The following TRIM2 variants were observed in gnomAD, a reference collection of about 807,000 sequenced individuals.
The protein encoded by TRIM2 is tripartite motif containing 2.
In TRIM2, 20 loss-of-function variants were observed where a neutral mutation model predicts 75.2. The observed-to-expected ratio is 0.27, with a 90% confidence interval of 0.19 to 0.39. The LOEUF (loss-of-function observed/expected upper bound fraction) is 0.39, where lower values mean the gene tolerates loss of function less well. Among genes scored for constraint, TRIM2 ranks in the 10% least tolerant of loss-of-function variants. The pLI, the probability that TRIM2 is intolerant of heterozygous loss-of-function variation, is 1.00. For missense variants in TRIM2, 660 were observed against 990.8 expected (o/e 0.67, Z 4.48); for synonymous variants, 373 against 388.3 (o/e 0.96, Z 0.46).
intron 3 of TRIM2, among the ~76,000 whole-genome samples, chr4:153,283,859 A>ATTTTTTTTT (rs1328302373): frequency 1.3e-5 from 1 of 79,392 alleles, no homozygotes; most frequent in African/African-American, 5.8e-5. Flanking sequence ...GATGGCCTTG[A>ATTTTTTTTT]TCTTTTTTTT....
At chr4:153,175,903 G>A (rs926988682) in intron 1 of TRIM2, among the ~76,000 whole-genome samples, 1 of 152,014 alleles carries the variant, frequency 6.6e-6, no homozygotes, top group Non-Finnish European at 1.5e-5. Context: ...AGGGGCCGCC[G>A]AGTGCTCTGG....
chr4:153,338,772 G>T lies in TRIM2; in HGVS notation c.*3806G>T, dbSNP rs187025024. On this transcript the variant is annotated 3_prime_UTR_variant, in exon 12 of 12. Coordinates refer to ENST00000338700, the MANE Select transcript of TRIM2 (RefSeq NM_015271.5). ...TAGAATAGATTAATAAATTGGCTAT[G>T]TTGTTCCAATGAATGTACAGCACTT... 42 of 985,826 alleles carry T rather than the reference G, an allele frequency of 4.3e-5. No homozygotes were observed. Among genetic ancestry groups the T allele is most frequent in the Non-Finnish European group, 5.1e-5 (42 of 829,910 alleles). 61.1% of individuals were successfully genotyped at this position (985,826 alleles called of 1,614,324 possible).
At chr4:153,205,995 T>C (rs72963198) in intron 1 of TRIM2, among the ~76,000 whole-genome samples, 2 of 152,178 alleles carry the variant, frequency 1.3e-5, no homozygotes, top group African/African-American at 4.8e-5. Context: ...GCCAGTGAAC[T>C]TTTGACTCTC....
intron 1 of TRIM2, among the ~76,000 whole-genome samples, chr4:153,244,369 C>A: frequency 2.0e-5 from 1 of 49,082 alleles, no homozygotes; most frequent in African/African-American, 1.7e-4. Context: ...TCTTCTTCTT[C>A]TTCTTCTTCT....
At chr4:153,179,491 T>C (rs533398904) in intron 1 of TRIM2, among the ~76,000 whole-genome samples, 55 of 152,274 alleles carry the variant, frequency 3.6e-4, no homozygotes, top group Non-Finnish European at 6.0e-4. Flanking sequence ...GCCACCTACC[T>C]GCTTCACTCC....
chr4:153,335,118 A>C lies in TRIM2; in HGVS notation c.*152A>C. 1 of 1,300,452 alleles carries C rather than the reference A, an allele frequency of 7.7e-7. No individual in the cohort carries two copies. Among genetic ancestry groups the C allele is most frequent in the Non-Finnish European group, 9.8e-7 (1 of 1,019,842 alleles). The allele number at this position is 1,300,452 out of a possible 1,614,324, so 80.6% of individuals were successfully genotyped here. ...TATTTCTGAATGTAACAATTTCCTT[A>C]AAAATGACTTATCCAATTTCTGTAT... On this transcript the variant is annotated 3_prime_UTR_variant, in exon 12 of 12. Transcript: ENST00000338700.
intron 10 of TRIM2, among the ~76,000 whole-genome samples, chr4:153,326,641 C>G (rs1392799885): frequency 6.6e-6 from 1 of 152,192 alleles, no homozygotes; most frequent in Non-Finnish European, 1.5e-5. Flanking sequence ...TGAAGCAAAA[C>G]TACTTGAGTC....
intron 1 of TRIM2, among the ~76,000 whole-genome samples, chr4:153,172,273 C>T (rs890177822): frequency 2.6e-5 from 4 of 152,074 alleles, no homozygotes; most frequent in Non-Finnish European, 5.9e-5. Context: ...CTGCAAGCTC[C>T]ACCTCCTGGG....
chr4:153,260,661 C>A lies in TRIM2; in HGVS notation c.31-9674C>A, dbSNP rs554007611. On this transcript the variant is annotated intron_variant, in intron 1 of 11. Coordinates refer to ENST00000338700, the MANE Select transcript of TRIM2 (RefSeq NM_015271.5). ...GGGATGGCTTCTGAATGCCTTCCCCCCAAAACACACACACCCACCCACACA... is the reference window on the plus strand; with the variant it reads ...GGGATGGCTTCTGAATGCCTTCCCCACAAAACACACACACCCACCCACACA... Among the ~76,000 whole-genome samples the A allele has an allele frequency of 4.9e-5, 7 of 143,170 alleles. No homozygotes were observed. The South Asian group carries it at 1.7e-3, about 35-fold the overall frequency. 93.9% of individuals were successfully genotyped at this position (143,170 alleles called of 152,430 possible).
intron 1 of TRIM2, among the ~76,000 whole-genome samples, chr4:153,246,486 A>G (rs962146701): frequency 2.6e-5 from 4 of 152,218 alleles, no homozygotes; most frequent in Non-Finnish European, 5.9e-5. Flanking sequence ...ATTAACTTCT[A>G]TTTCAAGTAA....
chr4:153,280,707 C>T (rs966783444), intron 3 of TRIM2, among the ~76,000 whole-genome samples: 9 of 148,190 alleles, frequency 6.1e-5, no homozygotes, highest in Admixed American at 3.4e-4. Flanking sequence ...TTTTTTGAGA[C>T]GGAGTCTCGC....
chr4:153,265,309 GTTTT>G (rs997698973), intron 1 of TRIM2, among the ~76,000 whole-genome samples: 2 of 149,860 alleles, frequency 1.3e-5, no homozygotes, highest in East Asian at 2.0e-4. Context: ...CGACGGAAAA[GTTTT>G]TTTTTGTTTT....
intron 3 of TRIM2, among the ~76,000 whole-genome samples, chr4:153,277,076 G>A (rs1758191793): frequency 6.6e-6 from 1 of 152,140 alleles, no homozygotes. Context: ...GCAATCATTA[G>A]AGCAAAGCAA....
chr4:153,324,530 G>A (rs751104856), intron 10 of TRIM2: 21 of 218,748 alleles, frequency 9.6e-5, no homozygotes, highest in Admixed American at 2.4e-4. Context: ...TTAGATGTTC[G>A]ACTCTGTTAC....
intron 1 of TRIM2, among the ~76,000 whole-genome samples, chr4:153,236,980 C>T (rs898537862): frequency 6.6e-6 from 1 of 152,156 alleles, no homozygotes; most frequent in Admixed American, 6.5e-5. Flanking sequence ...ATGCATGAGC[C>T]ACCTCGCACA....
chr4:153,331,166 T>G (rs1218106836), intron 11 of TRIM2, among the ~76,000 whole-genome samples: 1 of 151,892 alleles, frequency 6.6e-6, no homozygotes, highest in African/African-American at 2.4e-5. Flanking sequence ...TACAAAAGAA[T>G]ACAAAGATTA....
At chr4:153,219,002 C>A (rs202204337) in intron 1 of TRIM2, among the ~76,000 whole-genome samples, 1 of 149,170 alleles carries the variant, frequency 6.7e-6, no homozygotes, top group Admixed American at 6.7e-5. Context: ...TGACCCCCCC[C>A]ATTCTGCTTT....
At position 153,205,560 on chromosome 4, in the gene TRIM2, GGT is replaced by G. The variant is rs1735171637; in HGVS notation, c.30+1002_30+1003del. On this transcript the variant is annotated intron_variant, in intron 1 of 11. Coordinates refer to ENST00000338700, the MANE Select transcript of TRIM2 (RefSeq NM_015271.5). ...GGCAGCTTTGATCAGATAAGTTTCT[GGT>G]GAGCCCCGTGGTGTGGAGTCAGTGA... 3.3e-5 allele frequency among the ~76,000 whole-genome samples: 5 copies of G among 152,240 alleles called. No homozygotes were observed. The South Asian group carries it at 1.0e-3, about 32-fold the overall frequency.
At chr4:153,169,725 T>G (rs1180315616) in intron 1 of TRIM2, among the ~76,000 whole-genome samples, 1 of 152,260 alleles carries the variant, frequency 6.6e-6, no homozygotes, top group Non-Finnish European at 1.5e-5. Context: ...CACTCTAACA[T>G]TGACAAAAGA....
Sources: gnomAD v4.1 joint callset for allele counts (sites outside exome capture counted in the v4.1 genomes callset) on GRCh38, gnomAD v4.1.1 for gene constraint, MANE v1.5 for transcripts, NCBI Gene and HGNC (gene_info 2026-07-23, HGNC 2026-07-21) for gene names.